Variants in DZIP3 observed in about 807,000 individuals in gnomAD.
The protein encoded by DZIP3 is E3 ubiquitin-protein ligase DZIP3.
DZIP3 carries 118 observed loss-of-function variants against 162.0 expected under a neutral mutation model. That is an observed-to-expected ratio of 0.73 (90% CI 0.63 to 0.85). The LOEUF (loss-of-function observed/expected upper bound fraction) is 0.85, where lower values mean the gene tolerates loss of function less well. DZIP3 is among the 40% of genes least tolerant of loss of function. DZIP3 has a pLI of 0.00. For synonymous variants in DZIP3, 438 were observed against 458.6 expected, an observed-to-expected ratio of 0.96 and a Z score of 0.57; for missense variants, 1,331 against 1,407.0, an observed-to-expected ratio of 0.95 and a Z score of 0.86.
chr3:108,684,493 G>C, intron 27 of DZIP3, 152 bp downstream of exon 27: 1 of 958,174 alleles, frequency 1.0e-6, no homozygotes, highest in South Asian at 1.9e-5. Flanking sequence ...GTGAAGCACT[G>C]TGCTCAGGGT....
Position 108,688,982 on chromosome 3 carries a change from T to C in DZIP3, c.3516+58T>C, listed in dbSNP as rs375142211. 4.1e-6 allele frequency: 6 copies of C among 1,461,024 alleles called. No individual in the cohort carries two copies. The East Asian group carries it at 9.2e-5, about 23-fold the overall frequency. The allele number at this position is 1,461,024 out of a possible 1,614,324, so 90.5% of individuals were successfully genotyped here. A position where few individuals can be genotyped will look rare whatever the true frequency, so the allele number is the denominator to read the frequency against. On this transcript the variant is annotated intron_variant, in intron 31 of 32. Coordinates refer to ENST00000361582, the MANE Select transcript of DZIP3 (RefSeq NM_014648.4). ...AATGAGATTCATACTGCCTTACTTA[T>C]TATCATATACATGTATCATTATCCA...
intron 1 of DZIP3, chr3:108,603,090 C>G (rs553589139): frequency 6.8e-4 from 104 of 152,264 alleles, no homozygotes; most frequent in African/African-American, 2.5e-3. Flanking sequence ...TTCCTCCCTT[C>G]TTTTCATCCT....
intron 32 of DZIP3, among the ~76,000 whole-genome samples, chr3:108,692,005 A>T (rs967625815): frequency 6.6e-6 from 1 of 152,100 alleles, no homozygotes; most frequent in African/African-American, 2.4e-5. Flanking sequence ...ACACTCCCAC[A>T]TGTGCGAACA....
chr3:108,624,907 T>G (rs1376701255), intron 6 of DZIP3, among the ~76,000 whole-genome samples: 2 of 152,176 alleles, frequency 1.3e-5, no homozygotes, highest in Non-Finnish European at 2.9e-5. Context: ...TTCTGATTTT[T>G]AATGATTTCT....
intron 12 of DZIP3, among the ~76,000 whole-genome samples, chr3:108,641,725 T>C (rs2107635365): frequency 6.6e-6 from 1 of 152,314 alleles, no homozygotes; most frequent in East Asian, 1.9e-4. Flanking sequence ...TTTTACATTT[T>C]TTCAATGTAA....
intron 7 of DZIP3, among the ~76,000 whole-genome samples, chr3:108,628,487 T>G (rs1223235306): frequency 6.6e-6 from 1 of 152,210 alleles, no homozygotes; most frequent in African/African-American, 2.4e-5. Flanking sequence ...AATCCTGAGC[T>G]TCATTTTCAG....
chr3:108,647,883 T>C, intron 15 of DZIP3, 60 bp from the exon 16 acceptor site: 1 of 1,377,622 alleles, frequency 7.3e-7, no homozygotes, highest in Non-Finnish European at 9.7e-7. Flanking sequence ...CATTATAACA[T>C]TGATAAGAAG....
In DZIP3 at chr3:108,631,055, A is replaced by ACACTCTCTCTCTCTCT; in HGVS notation, c.696+1880_696+1881insACTCTCTCTCTCTCTC. On this transcript the variant is annotated intron_variant, in intron 8 of 32. Coordinates refer to ENST00000361582, the MANE Select transcript of DZIP3 (RefSeq NM_014648.4). ...CACACACACACACACACACACACAC[A>ACACTCTCTCTCTCTCT]CTCTCTCTCTCTCTCTCTCTCTCTC... 7.2e-4 allele frequency among the ~76,000 whole-genome samples: 13 copies of ACACTCTCTCTCTCTCT among 18,012 alleles called. 1 individual carries two copies. The highest frequency in any genetic ancestry group is 2.3e-3 in the South Asian group (1 of 426). The allele number at this position is 18,012 out of a possible 152,430, so 11.8% of individuals were successfully genotyped here.
chr3:108,679,839 C>A (rs1434233750), intron 26 of DZIP3, among the ~76,000 whole-genome samples: 1 of 152,064 alleles, frequency 6.6e-6, no homozygotes, highest in South Asian at 2.1e-4. Flanking sequence ...ACCAGACTTC[C>A]ATAGTAGAGA....
intron 12 of DZIP3, among the ~76,000 whole-genome samples, chr3:108,638,128 C>G (rs968762342): frequency 1.3e-5 from 2 of 152,092 alleles, no homozygotes; most frequent in Non-Finnish European, 2.9e-5. Flanking sequence ...GTTAATGAAG[C>G]CCAAATCTTT....
intron 14 of DZIP3, among the ~76,000 whole-genome samples, chr3:108,645,545 T>C (rs4855660): frequency 0.23 from 34,953 of 152,110 alleles, 4,336 homozygotes; most frequent in East Asian, 0.45. Flanking sequence ...CCTTCTCAGC[T>C]ATTCTTTTGG....
intron 1 of DZIP3, among the ~76,000 whole-genome samples, chr3:108,591,539 T>C (rs1939421161): frequency 6.6e-6 from 1 of 152,250 alleles, no homozygotes; most frequent in Non-Finnish European, 1.5e-5. Flanking sequence ...CTGTAATTAA[T>C]ATCAAATGTC....
chr3:108,636,765 AT>A, intron 11 of DZIP3, 57 bp downstream of exon 11: 10 of 1,280,500 alleles, frequency 7.8e-6, no homozygotes, highest in Admixed American at 2.3e-5. Flanking sequence ...TTGGAAAAAT[AT>A]TTTTGACTTG....
chr3:108,611,232 T>A lies in DZIP3; in HGVS notation c.161T>A (p.Val54Glu). ...DLVPVNLLLE[V>E]KKLLNAINTL... The stretch of plus-strand genomic sequence containing the variant: ...GTCCCTGTTAACCTACTATTAGAAG[T>A]GAAGAAGTTATTAAATGCAATTAAT... Residue 54 changes from valine to glutamate, a missense_variant, in exon 4 of 33, where the codon GTG becomes GAG. Coordinates refer to ENST00000361582, the MANE Select transcript of DZIP3 (RefSeq NM_014648.4). 1 of 1,612,460 alleles carries A rather than the reference T, an allele frequency of 6.2e-7. No individual in the cohort carries two copies. The highest frequency in any genetic ancestry group is 8.5e-7 in the Non-Finnish European group (1 of 1,179,490).
chr3:108,672,582 C>G lies in DZIP3; in HGVS notation c.2515C>G (p.His839Asp). ...CAGATCTCAGTGGGAAATGGAAAAA[C>G]ATAATCTGGAAAGCACAATGAAAAC... is the stretch of plus-strand genomic sequence containing the variant. ...MKRSQWEMEK[H>D]NLESTMKTYV... The change falls in exon 23 of 33, where the codon CAT becomes GAT. Residue 839 changes from histidine (H) to aspartate (D), a missense_variant. Around this residue, in one of 2 missense-constraint regions of DZIP3, gnomAD observed 1,278 missense variants for 1,317.1 expected, o/e 0.97. Coordinates refer to ENST00000361582, the MANE Select transcript of DZIP3 (RefSeq NM_014648.4). 4 of 1,611,304 alleles carry G rather than the reference C, an allele frequency of 2.5e-6. No homozygotes were observed. Among genetic ancestry groups the G allele is most frequent in the Non-Finnish European group, 3.4e-6 (4 of 1,178,272 alleles).
At chr3:108,608,395 A>T (rs1386106237) in intron 3 of DZIP3, among the ~76,000 whole-genome samples, 1 of 152,154 alleles carries the variant, frequency 6.6e-6, no homozygotes, top group Non-Finnish European at 1.5e-5. Context: ...TAGTAAAAAA[A>T]AATTGAATGG....
At chr3:108,609,624 T>C (rs78969858) in intron 3 of DZIP3, among the ~76,000 whole-genome samples, 1,956 of 152,286 alleles carry the variant, frequency 0.013, 50 homozygotes, top group African/African-American at 0.044. Context: ...ATTGATTGCT[T>C]AAGCTCAAGA....
Position 108,644,629 on chromosome 3 carries a change from T to C in DZIP3, c.1607T>C (p.Ile536Thr), listed in dbSNP as rs539957220. Residue 536 changes from isoleucine to threonine, a missense_variant, in exon 14 of 33, where the codon ATT becomes ACT. Physicochemically the swap from Ile to Thr is moderately conservative, Grantham distance 89 (BLOSUM62 -1). Transcript: ENST00000361582. ...TCAATTTGGAAAAAAGTTTCAGATA[T>C]TCTTCTGCGCCTTGGGATGATGCAA... ...FNSIWKKVSDILLRLGMMQED... is the reference protein window; with the variant it reads ...FNSIWKKVSDTLLRLGMMQED... The C allele has an allele frequency of 6.2e-7, 1 of 1,614,080 alleles. No individual in the cohort carries two copies. The highest frequency in any genetic ancestry group is 1.3e-5 in the African/African-American group (1 of 75,056).
intron 1 of DZIP3, among the ~76,000 whole-genome samples, chr3:108,599,038 C>A (rs1163577824): frequency 6.6e-6 from 1 of 152,170 alleles, no homozygotes; most frequent in Non-Finnish European, 1.5e-5. Flanking sequence ...TAGATCTGAA[C>A]AGAATTTAAA....
Sources: gnomAD v4.1 joint callset for allele counts (sites outside exome capture counted in the v4.1 genomes callset) on GRCh38, gnomAD v4.1.1 for gene constraint, gnomAD v4.1.1 regional missense constraint, MANE v1.5 for transcripts, NCBI Gene and HGNC (gene_info 2026-07-23, HGNC 2026-07-21) for gene names.